DNAH17: variants seen among roughly 807,000 people sequenced by gnomAD.
DNAH17 encodes the protein dynein axonemal heavy chain 17.
DNAH17 carries 376 observed loss-of-function variants against 485.6 expected under a neutral mutation model. The ratio of observed to expected loss-of-function variants is 0.77; its 90% CI spans 0.71 to 0.84. The LOEUF is 0.84. Among genes scored for constraint, DNAH17 ranks in the 40% least tolerant of loss-of-function variants. DNAH17 has a pLI of 0.00. For missense variants in DNAH17, 6,370 were observed against 5,839.3 expected (o/e 1.09, Z -2.96); for synonymous variants, 3,031 against 2,405.9 (o/e 1.26, Z -7.60).
chr17:78,541,256 T>G (rs1364361859), intron 17 of DNAH17, among the ~76,000 whole-genome samples: 2 of 22,450 alleles, frequency 8.9e-5, no homozygotes, highest in African/African-American at 2.4e-4. Context: ...GGTGAGCAGA[T>G]GGGTGGGGGG....
At chr17:78,433,963 A>AGGAGGGAGGGAC (rs1364044205) in intron 75 of DNAH17, 66 bp downstream of exon 75, 2 of 1,254,280 alleles carry the variant, frequency 1.6e-6, no homozygotes. Flanking sequence ...GAGGGAGGGA[A>AGGAGGGAGGGAC]GGAGGGAGGG....
At chr17:78,465,906 G>A (rs533553072) in intron 56 of DNAH17, among the ~76,000 whole-genome samples, 91 of 151,928 alleles carry the variant, frequency 6.0e-4, no homozygotes, top group African/African-American at 2.0e-3. Flanking sequence ...CCCTCTGCCC[G>A]GCCACCACCC....
intron 25 of DNAH17, 29 bp downstream of exon 25, chr17:78,524,980 C>T (rs1274864642): frequency 2.5e-6 from 4 of 1,585,622 alleles, no homozygotes; most frequent in South Asian, 1.1e-5. Context: ...AATCCCGGGC[C>T]CCACCCACGC....
intron 74 of DNAH17, among the ~76,000 whole-genome samples, chr17:78,435,501 A>T (rs2086826008): frequency 6.6e-6 from 1 of 152,068 alleles, no homozygotes; most frequent in African/African-American, 2.4e-5. Context: ...CAGAGATGGG[A>T]TGAGGTGCCA....
chr17:78,463,680 C>T (rs2088267812), intron 56 of DNAH17, among the ~76,000 whole-genome samples: 1 of 152,248 alleles, frequency 6.6e-6, no homozygotes, highest in African/African-American at 2.4e-5. Flanking sequence ...GGTAATTCTG[C>T]AAATATTTAT....
chr17:78,551,394 C>G (rs1426889756), intron 16 of DNAH17, 141 bp downstream of exon 16: 1 of 682,908 alleles, frequency 1.5e-6, no homozygotes, highest in Non-Finnish European at 2.5e-6. Flanking sequence ...TATCATCCTA[C>G]CGGTGGAGAG....
chr17:78,547,969 C>G (rs2091810013), intron 16 of DNAH17, among the ~76,000 whole-genome samples: 1 of 152,174 alleles, frequency 6.6e-6, no homozygotes, highest in African/African-American at 2.4e-5. Flanking sequence ...TCTCCCTCAT[C>G]TTACACATTA....
chr17:78,470,432 G>A (rs2088695914), intron 54 of DNAH17, among the ~76,000 whole-genome samples: 1 of 150,312 alleles, frequency 6.7e-6, no homozygotes, highest in East Asian at 2.1e-4. Context: ...GCTCACACCT[G>A]TAATCCCAGC....
At chr17:78,521,087 CTT>C (rs2090921168) in intron 25 of DNAH17, among the ~76,000 whole-genome samples, 1 of 152,194 alleles carries the variant, frequency 6.6e-6, no homozygotes, top group African/African-American at 2.4e-5. Context: ...GCCCAACTGA[CTT>C]TTGATAAAGA....
At position 78,569,029 on chromosome 17, in the gene DNAH17, A is replaced by G. The variant is rs533184902; in HGVS notation, c.1284+137T>C. ...GCTGCCGCAAAGCCTTGGTTTCCTC[A>G]TAACAGATATTTGGGCCTCACTTAT... is the stretch of plus-strand genomic sequence containing the variant. On this transcript the variant is annotated intron_variant, in intron 9 of 80. Transcript: ENST00000389840. 1.8e-4 allele frequency: 125 copies of G among 711,690 alleles called. 1 individual carries two copies. The Middle Eastern group carries it at 3.7e-3, about 21-fold the overall frequency. The allele number at this position is 711,690 out of a possible 1,614,324, so 44.1% of individuals were successfully genotyped here.
chr17:78,506,830 T>C lies in DNAH17; in HGVS notation c.4693A>G (p.Lys1565Glu). The change falls in exon 30 of 81, where the codon AAG becomes GAG. Residue 1565 changes from lysine to glutamate, a missense_variant. By Grantham distance (56) the Lys-to-Glu change is moderately conservative (BLOSUM62 1). Transcript: ENST00000389840. Reference sequence around the variant, plus strand: ...GTCTCTAAATACTCTGCCAAAGCCTTTTCACAGATGGCCAAGCTGGGAGGA... The same window carrying C: ...GTCTCTAAATACTCTGCCAAAGCCTCTTCACAGATGGCCAAGCTGGGAGGA... Reference protein sequence around the residue: ...ALKKSLAICEKALAEYLETKR... With the variant: ...ALKKSLAICEEALAEYLETKR... 6.2e-7 allele frequency: 1 copy of C among 1,613,882 alleles called. No homozygotes were observed. Among genetic ancestry groups the C allele is most frequent in the South Asian group, 1.1e-5 (1 of 91,070 alleles).
chr17:78,453,178 T>C (rs2087628930), intron 65 of DNAH17, among the ~76,000 whole-genome samples, 165 bp downstream of exon 65: 1 of 152,190 alleles, frequency 6.6e-6, no homozygotes, highest in Non-Finnish European at 1.5e-5. Context: ...CAGTCTTTCC[T>C]CAGGAGCTGG....
intron 69 of DNAH17, among the ~76,000 whole-genome samples, chr17:78,448,440 T>C (rs117254878): frequency 1.3e-5 from 2 of 152,114 alleles, no homozygotes; most frequent in African/African-American, 2.4e-5. Flanking sequence ...AGTGGGAGGA[T>C]TGCTTGAGTC....
In DNAH17 at chr17:78,570,987, C is replaced by A; in HGVS notation, c.879G>T (p.Arg293=). ...NDIVLYLKPL[R]ILLEEMEQAD... ...CTTGTTCCATCTCCTCCAGCAGGAT[C>A]CGTAGGGGCTTCAAATAGAGCACGA... The change falls in exon 6 of 81, where the codon CGG becomes CGT. Residue 293 remains arginine, a synonymous_variant. Coordinates refer to ENST00000389840, the MANE Select transcript of DNAH17 (RefSeq NM_173628.4). 5 of 1,585,046 alleles carry A rather than the reference C, an allele frequency of 3.2e-6. No homozygotes were observed. The highest frequency in any genetic ancestry group is 4.3e-6 in the Non-Finnish European group (5 of 1,165,668).
At chr17:78,530,146 G>A (rs1164192999) in intron 21 of DNAH17, among the ~76,000 whole-genome samples, 197 bp downstream of exon 21, 1 of 152,258 alleles carries the variant, frequency 6.6e-6, no homozygotes, top group East Asian at 1.9e-4. Context: ...CGGGTTTGGA[G>A]AAGGGATAAT....
intron 56 of DNAH17, among the ~76,000 whole-genome samples, 187 bp downstream of exon 56, chr17:78,466,454 AAAAAAATAAAAAAT>A (rs914188870): frequency 6.6e-6 from 1 of 151,764 alleles, no homozygotes; most frequent in Non-Finnish European, 1.5e-5. Flanking sequence ...AATAAATTAA[AAAAAAATAAAAAAT>A]AAAAAATAAA....
chr17:78,510,762 A>G, intron 26 of DNAH17: 2 of 339,704 alleles, frequency 5.9e-6, no homozygotes, highest in Non-Finnish European at 1.1e-5. Flanking sequence ...CCCCCCCGCA[A>G]AATTCACATC....
chr17:78,495,753 G>T, intron 38 of DNAH17, 122 bp downstream of exon 38: 1 of 1,236,036 alleles, frequency 8.1e-7, no homozygotes, highest in Non-Finnish European at 1.1e-6. Context: ...GGGAGCTTTT[G>T]ATGACTTCTT....
At chr17:78,437,510 G>C (rs985393509) in intron 74 of DNAH17, 131 bp downstream of exon 74, 3 of 616,224 alleles carry the variant, frequency 4.9e-6, no homozygotes, top group Non-Finnish European at 8.4e-6. Context: ...AGGGGTGTGT[G>C]GACAGGGGAA....
Sources: allele counts gnomAD v4.1 joint callset (sites outside exome capture counted in the v4.1 genomes callset), GRCh38; gene constraint gnomAD v4.1.1; transcripts MANE v1.5; gene names NCBI Gene and HGNC (gene_info 2026-07-23, HGNC 2026-07-21).